The following HECW1 variants were observed in gnomAD, a reference collection of about 807,000 sequenced individuals.
The protein encoded by HECW1 is HECT, C2 and WW domain containing E3 ubiquitin protein ligase 1.
A neutral mutation model predicts 182.3 loss-of-function variants in HECW1; 61 were observed. The ratio of observed to expected loss-of-function variants is 0.33; its 90% CI spans 0.27 to 0.41. HECW1 has a LOEUF of 0.41. Ranked by LOEUF, HECW1 falls within the 10% of genes least tolerant of loss-of-function variation. HECW1 has a pLI of 1.00. For missense variants in HECW1, 1,739 were observed against 2,108.9 expected, an observed-to-expected ratio of 0.82 and a Z score of 3.44; for synonymous variants, 859 against 832.6, an observed-to-expected ratio of 1.03 and a Z score of -0.55.
At chr7:43,183,719 T>TA (rs1188175583) in intron 2 of HECW1, among the ~76,000 whole-genome samples, 1 of 152,210 alleles carries the variant, frequency 6.6e-6, no homozygotes, top group African/African-American at 2.4e-5. Flanking sequence ...TGAACGAGTA[T>TA]AATTCAAATT....
chr7:43,415,092 G>T (rs1167535397), intron 8 of HECW1, among the ~76,000 whole-genome samples: 1 of 150,706 alleles, frequency 6.6e-6, no homozygotes, highest in Non-Finnish European at 1.5e-5. Context: ...TGGTTATTTT[G>T]CTCGTTAGTT....
rs1264577100 is a variant in HECW1, at chr7:43,564,040, T to C, written c.*2114T>C. 1.6e-5 allele frequency: 3 copies of C among 186,708 alleles called. No homozygotes were observed. Among genetic ancestry groups the C allele is most frequent in the Non-Finnish European group, 3.4e-5 (3 of 88,302 alleles). 11.6% of individuals were successfully genotyped at this position (186,708 alleles called of 1,614,324 possible). A position where few individuals can be genotyped will look rare whatever the true frequency, so the allele number is the denominator to read the frequency against. The stretch of plus-strand genomic sequence containing the variant: ...GAGACAGGATGGAATCTGTAAGTTA[T>C]ATGATATAGAATTTGAGGGATATGT... On this transcript the variant is annotated 3_prime_UTR_variant, in exon 30 of 30. Transcript: ENST00000395891.
intron 3 of HECW1, among the ~76,000 whole-genome samples, chr7:43,305,950 G>T (rs1183960585): frequency 6.6e-6 from 1 of 152,044 alleles, no homozygotes; most frequent in South Asian, 2.1e-4. Context: ...AGTAGAGACG[G>T]GGTTTCTCCA....
intron 2 of HECW1, among the ~76,000 whole-genome samples, chr7:43,226,360 A>G (rs373094979): frequency 2.2e-4 from 34 of 152,188 alleles, no homozygotes; most frequent in African/African-American, 7.7e-4. Flanking sequence ...AAATGAAGTC[A>G]GGAATATCTA....
chr7:43,203,987 T>C (rs1255824994), intron 2 of HECW1, among the ~76,000 whole-genome samples: 5 of 152,250 alleles, frequency 3.3e-5, no homozygotes, highest in Non-Finnish European at 7.3e-5. Context: ...TCTTTTTGTC[T>C]TACCTAAAGA....
intron 3 of HECW1, among the ~76,000 whole-genome samples, chr7:43,260,200 C>A (rs191633050): frequency 2.0e-5 from 3 of 152,166 alleles, no homozygotes; most frequent in Admixed American, 1.3e-4. Flanking sequence ...GATGTATACA[C>A]CATGCTCTGA....
At chr7:43,264,641 C>T (rs544969838) in intron 3 of HECW1, among the ~76,000 whole-genome samples, 29 of 151,950 alleles carry the variant, frequency 1.9e-4, no homozygotes, top group Admixed American at 1.1e-3. Context: ...GTCAGGAGAC[C>T]AAGACCATCC....
At chr7:43,509,222 G>T in intron 24 of HECW1, 101 bp downstream of exon 24, 1 of 1,172,106 alleles carries the variant, frequency 8.5e-7, no homozygotes, top group Non-Finnish European at 1.2e-6. Context: ...TAGAGCAGTG[G>T]CCAGATGTTA....
At chr7:43,445,719 T>C in intron 11 of HECW1, 149 bp downstream of exon 11, 1 of 923,472 alleles carries the variant, frequency 1.1e-6, no homozygotes, top group South Asian at 1.8e-5. Flanking sequence ...CATGTGTGCA[T>C]GTGTATCTGT....
intron 2 of HECW1, among the ~76,000 whole-genome samples, chr7:43,176,516 G>A (rs552630103): frequency 6.6e-6 from 1 of 152,208 alleles, no homozygotes; most frequent in Non-Finnish European, 1.5e-5. Context: ...CCTTCTTACT[G>A]GTGGGGACTC....
At chr7:43,188,746 C>T (rs1362698214) in intron 2 of HECW1, among the ~76,000 whole-genome samples, 1 of 152,136 alleles carries the variant, frequency 6.6e-6, no homozygotes, top group Non-Finnish European at 1.5e-5. Flanking sequence ...GAGACTCCTG[C>T]CCCCGTGCCA....
chr7:43,167,511 G>A (rs1268762683), intron 2 of HECW1, among the ~76,000 whole-genome samples: 1 of 152,312 alleles, frequency 6.6e-6, no homozygotes, highest in Non-Finnish European at 1.5e-5. Flanking sequence ...GTTGGAAGAG[G>A]TTCGGAGGAT....
intron 2 of HECW1, among the ~76,000 whole-genome samples, chr7:43,137,248 T>C (rs1353595685): frequency 6.6e-6 from 1 of 152,098 alleles, no homozygotes; most frequent in Non-Finnish European, 1.5e-5. Context: ...GGCATGTCAA[T>C]CCCAGGGTGA....
chr7:43,469,248 A>C (rs1050153764), intron 16 of HECW1, 143 bp downstream of exon 16: 33 of 789,680 alleles, frequency 4.2e-5, no homozygotes, highest in Non-Finnish European at 6.7e-5. Flanking sequence ...GGGGCTGATA[A>C]CCACCCACAT....
chr7:43,390,543 A>ACAAAAC (rs1344411303), intron 6 of HECW1, among the ~76,000 whole-genome samples: 1 of 150,572 alleles, frequency 6.6e-6, no homozygotes, highest in African/African-American at 2.4e-5. Flanking sequence ...CTCTTAAAAA[A>ACAAAAC]AAAAACAAAA....
intron 2 of HECW1, among the ~76,000 whole-genome samples, chr7:43,147,056 T>C (rs7341456): frequency 0.28 from 42,728 of 152,108 alleles, 6,207 homozygotes; most frequent in East Asian, 0.39. Context: ...CAGTGGGTAA[T>C]GGAAATTTTG....
intron 2 of HECW1, among the ~76,000 whole-genome samples, chr7:43,174,996 CCAAACT>C (rs942149484): frequency 3.9e-5 from 6 of 152,086 alleles, no homozygotes; most frequent in African/African-American, 1.4e-4. Context: ...AACACATCTC[CCAAACT>C]CAAGGATTAG....
At chr7:43,339,901 A>G (rs1182486494) in intron 5 of HECW1, among the ~76,000 whole-genome samples, 1 of 152,040 alleles carries the variant, frequency 6.6e-6, no homozygotes, top group East Asian at 1.9e-4. Flanking sequence ...TCTACTTTTC[A>G]AATGTTTTCA....
At chr7:43,416,870 C>CT (rs144569362) in intron 8 of HECW1, among the ~76,000 whole-genome samples, 4 of 18 alleles carry the variant, frequency 0.22, no homozygotes, top group African/African-American at 0.5. Flanking sequence ...TGAGGCAATG[C>CT]TCGCCCTGCT....
Sources: gnomAD v4.1 joint callset for allele counts (sites outside exome capture counted in the v4.1 genomes callset) on GRCh38, gnomAD v4.1.1 for gene constraint, MANE v1.5 for transcripts, NCBI Gene and HGNC (gene_info 2026-07-23, HGNC 2026-07-21) for gene names.